The following SYT9 variants were observed in gnomAD, a reference collection of about 807,000 sequenced individuals.
SYT9 encodes the protein synaptotagmin 9.
Under a neutral mutation model 48.4 loss-of-function variants are expected in SYT9, and 22 were observed. That is an observed-to-expected ratio of 0.45 (90% CI 0.32 to 0.65). The LOEUF (loss-of-function observed/expected upper bound fraction) is 0.65. Among genes scored for constraint, SYT9 ranks in the 30% least tolerant of loss-of-function variants. The pLI, the probability that SYT9 is intolerant of heterozygous loss-of-function variation, is 0.03. For missense variants in SYT9, 577 were observed against 622.0 expected (o/e 0.93, Z 0.77); for synonymous variants, 265 against 245.0 (o/e 1.08, Z -0.76).
At chr11:7,297,315 A>G (rs1384470957) in intron 1 of SYT9, among the ~76,000 whole-genome samples, 4 of 152,220 alleles carry the variant, frequency 2.6e-5, no homozygotes, top group Admixed American at 1.3e-4. Flanking sequence ...AATAAACTCC[A>G]TGTACTCAAA....
In SYT9 at chr11:7,365,617, T is replaced by C. The variant is rs559503960; in HGVS notation, c.1045-50425T>C. Among the ~76,000 whole-genome samples, 259 of 152,324 alleles carry C rather than the reference T, an allele frequency of 1.7e-3. 1 individual carries two copies. The highest frequency in any genetic ancestry group is 5.9e-3 in the African/African-American group (245 of 41,570). On this transcript the variant is annotated intron_variant, in intron 3 of 6. Coordinates refer to ENST00000318881, the MANE Select transcript of SYT9 (RefSeq NM_175733.4). ...AGGTGACAATTTTTAAAAAAATAAA[T>C]GAATGAATTAGCGAATTAAACTTTC... is the stretch of plus-strand genomic sequence containing the variant.
chr11:7,261,066 A>G (rs538382884), intron 1 of SYT9, among the ~76,000 whole-genome samples: 1 of 152,304 alleles, frequency 6.6e-6, no homozygotes, highest in East Asian at 1.9e-4. Context: ...ATAGTTCTTT[A>G]TTGTGTGTAC....
chr11:7,433,788 G>C lies in SYT9; in HGVS notation c.1467+13153G>C, dbSNP rs989986813. Among the ~76,000 whole-genome samples, 19 of 152,126 alleles carry C rather than the reference G, an allele frequency of 1.2e-4. No individual in the cohort carries two copies. The East Asian group carries it at 3.5e-3, about 28-fold the overall frequency. On this transcript the variant is annotated intron_variant, in intron 6 of 6. Transcript: ENST00000318881. ...CCAAATCAGCTAGCACCTTATCTTG[G>C]ACTTTCCAGCCTCAAGGACTGTGAG... is the stretch of plus-strand genomic sequence containing the variant.
At chr11:7,375,299 A>T (rs1179448209) in intron 3 of SYT9, among the ~76,000 whole-genome samples, 1 of 152,194 alleles carries the variant, frequency 6.6e-6, no homozygotes, top group East Asian at 1.9e-4. Flanking sequence ...TACCAGTACC[A>T]TGCTGTTTTG....
chr11:7,397,775 G>C (rs183577019), intron 3 of SYT9, among the ~76,000 whole-genome samples: 1 of 152,202 alleles, frequency 6.6e-6, no homozygotes, highest in East Asian at 1.9e-4. Context: ...TAAATGCATT[G>C]TTAAATTTTA....
At chr11:7,360,828 T>G (rs1368447944) in intron 3 of SYT9, among the ~76,000 whole-genome samples, 1 of 152,194 alleles carries the variant, frequency 6.6e-6, no homozygotes, top group African/African-American at 2.4e-5. Context: ...TCCTTGAAGA[T>G]TATCTTAGAG....
intron 3 of SYT9, among the ~76,000 whole-genome samples, chr11:7,339,820 A>C (rs1404026242): frequency 6.6e-6 from 1 of 152,094 alleles, no homozygotes; most frequent in Admixed American, 6.5e-5. Flanking sequence ...GGAAAATCTG[A>C]TGATTATGCA....
rs975561472 is a variant in SYT9 at position 7,252,960 on chromosome 11, G to T, written c.145+629G>T. ...TGGCCTGGGCCTGGGCGCTAGGCTC[G>T]ACCAGCGACTACCGCCGGCCACGAT... is the stretch of plus-strand genomic sequence containing the variant. On this transcript the variant is annotated intron_variant, in intron 1 of 6. Transcript: ENST00000318881. The surrounding 1 kb of genome is among the most constrained non-coding windows in gnomAD (Gnocchi z 6.3). 2.0e-5 allele frequency among the ~76,000 whole-genome samples: 3 copies of T among 152,254 alleles called. No individual in the cohort carries two copies. Among genetic ancestry groups the T allele is most frequent in the African/African-American group, 7.2e-5 (3 of 41,484 alleles).
At chr11:7,393,548 T>C (rs1471843943) in intron 3 of SYT9, among the ~76,000 whole-genome samples, 1 of 152,148 alleles carries the variant, frequency 6.6e-6, no homozygotes, top group Non-Finnish European at 1.5e-5. Flanking sequence ...TTAGGGATAT[T>C]GACCTGTAAT....
At chr11:7,287,399 G>A (rs1564848161) in intron 1 of SYT9, among the ~76,000 whole-genome samples, 1 of 152,142 alleles carries the variant, frequency 6.6e-6, no homozygotes, top group Non-Finnish European at 1.5e-5. Context: ...ATTTGGGTGG[G>A]GACACAGAGC....
chr11:7,461,840 C>G lies in SYT9; in HGVS notation c.1468-4952C>G, dbSNP rs376186734. 1.0e-3 allele frequency among the ~76,000 whole-genome samples: 158 copies of G among 152,328 alleles called. 2 individuals carry two copies. In the South Asian group the frequency reaches 0.012, roughly 12 times the overall value. ...GGCCCTATAGTAATTTCCTATCTTG[C>G]CACCTCATCGAAAAATATGACAGTC... On this transcript the variant is annotated intron_variant, in intron 6 of 6. Transcript: ENST00000318881.
chr11:7,354,786 G>T lies in SYT9; in HGVS notation c.1044+40845G>T, dbSNP rs1849984822. Among the ~76,000 whole-genome samples the T allele has an allele frequency of 2.0e-5, 3 of 151,952 alleles. No homozygotes were observed. In the South Asian group the frequency reaches 6.2e-4, roughly 32 times the overall value. The stretch of plus-strand genomic sequence containing the variant: ...GAAGTGTCAGCTTTTGGAGTGCAGG[G>T]GCAGTTGAAATATATCTGTCATCTA... On this transcript the variant is annotated intron_variant, in intron 3 of 6. Coordinates refer to ENST00000318881, the MANE Select transcript of SYT9 (RefSeq NM_175733.4).
rs141649277 is a variant in SYT9, at chr11:7,419,055, A to G, written c.1337+927A>G. Among the ~76,000 whole-genome samples, 813 of 152,340 alleles carry G rather than the reference A, an allele frequency of 5.3e-3. 5 individuals carry two copies. The highest frequency in any genetic ancestry group is 8.3e-3 in the Non-Finnish European group (565 of 68,028). Reference sequence around the variant, plus strand: ...TGAAGCATGACAGTCTTCCAACCCAAGGAGCACGTGGGTTGGCTCAGCTGC... The same window carrying G: ...TGAAGCATGACAGTCTTCCAACCCAGGGAGCACGTGGGTTGGCTCAGCTGC... On this transcript the variant is annotated intron_variant, in intron 5 of 6. Coordinates refer to ENST00000318881, the MANE Select transcript of SYT9 (RefSeq NM_175733.4).
In SYT9 at chr11:7,252,339, C is replaced by A. The variant is rs1409901112; in HGVS notation, c.145+8C>A. ...CCCGGCTCCGCGACCCAGGTGAGTG[C>A]CGCCACCGCCGCCTGGAGGGACCTA... On this transcript the variant is annotated splice_region_variant and intron_variant, in intron 1 of 6. Transcript: ENST00000318881. This position sits in a 1 kb window ranked among gnomAD's most constrained non-coding sequence, Gnocchi z 6.3. 1.4e-6 allele frequency: 2 copies of A among 1,456,644 alleles called. No homozygotes were observed. Among genetic ancestry groups the A allele is most frequent in the East Asian group, 2.9e-5 (1 of 34,388 alleles). 90.2% of individuals were successfully genotyped at this position (1,456,644 alleles called of 1,614,324 possible). A position where few individuals can be genotyped will look rare whatever the true frequency, so the allele number is the denominator to read the frequency against.
At position 7,468,256 on chromosome 11, in the gene SYT9, A is replaced by G. The variant is rs114654918; in HGVS notation, c.*1456A>G. 405 of 398,638 alleles carry G rather than the reference A, an allele frequency of 1.0e-3. 1 individual carries two copies. Among genetic ancestry groups the G allele is most frequent in the African/African-American group, 7.4e-3 (361 of 48,756 alleles). The allele number at this position is 398,638 out of a possible 1,614,324, so 24.7% of individuals were successfully genotyped here. On this transcript the variant is annotated 3_prime_UTR_variant, in exon 7 of 7. Coordinates refer to ENST00000318881, the MANE Select transcript of SYT9 (RefSeq NM_175733.4). ...ATGGAACTAACTGGGCGGAGGAAGG[A>G]TCGTTATACGTCTTCAGAAAGTTCT...
intron 3 of SYT9, among the ~76,000 whole-genome samples, chr11:7,379,940 G>A (rs997047868): frequency 6.6e-6 from 1 of 152,108 alleles, no homozygotes; most frequent in African/African-American, 2.4e-5. Context: ...CCACTGCTGG[G>A]TATATACCCA....
intron 3 of SYT9, among the ~76,000 whole-genome samples, chr11:7,343,170 T>A (rs898821945): frequency 1.3e-5 from 2 of 152,178 alleles, no homozygotes; most frequent in Non-Finnish European, 2.9e-5. Flanking sequence ...TCCCCATTCT[T>A]TTGGTGATTA....
intron 3 of SYT9, among the ~76,000 whole-genome samples, chr11:7,390,391 C>T (rs1787418656): frequency 6.6e-6 from 1 of 152,008 alleles, no homozygotes; most frequent in Admixed American, 6.6e-5. Context: ...TTTAGAAGCC[C>T]TTAATGACAT....
At chr11:7,423,938 C>T (rs2134108964) in intron 6 of SYT9, among the ~76,000 whole-genome samples, 1 of 152,316 alleles carries the variant, frequency 6.6e-6, no homozygotes, top group Admixed American at 6.5e-5. Context: ...AATCTCAGTG[C>T]TCATGATAAC....
Sources: allele counts gnomAD v4.1 joint callset (sites outside exome capture counted in the v4.1 genomes callset), GRCh38; gene constraint gnomAD v4.1.1; non-coding constraint Gnocchi (gnomAD v3.1); transcripts MANE v1.5; gene names NCBI Gene and HGNC (gene_info 2026-07-23, HGNC 2026-07-21).